Variants in MBNL2 observed in about 807,000 individuals in gnomAD.
The protein encoded by MBNL2 is muscleblind-like protein 2.
MBNL2 carries 17 observed loss-of-function variants against 41.9 expected under a neutral mutation model. The observed-to-expected ratio is 0.41, with a 90% CI of 0.28 to 0.61. The LOEUF is 0.61. Among genes scored for constraint, MBNL2 ranks in the 20% least tolerant of loss-of-function variants. MBNL2 has a pLI of 0.35. For synonymous variants in MBNL2, 195 were observed against 182.9 expected, an observed-to-expected ratio of 1.07 and a Z score of -0.53; for missense variants, 336 against 505.6, an observed-to-expected ratio of 0.66 and a Z score of 3.22.
At chr13:97,198,909 G>A in the MBNL2 span, among the ~76,000 whole-genome samples, 4 of 152,050 alleles carry the variant, frequency 2.6e-5, no homozygotes, top group East Asian at 1.9e-4. Flanking sequence ...TGCTCCCACC[G>A]GTCCTCCTAC....
At chr13:97,307,672 AATTAT>A (rs1223861408) in intron 2 of MBNL2, among the ~76,000 whole-genome samples, 6 of 152,256 alleles carry the variant, frequency 3.9e-5, no homozygotes, top group Admixed American at 3.9e-4. Context: ...CAGTATGACA[AATTAT>A]ATTAGTAAAT....
In MBNL2 at chr13:97,366,353, C is replaced by G; in HGVS notation, c.1048+1182C>G. On this transcript the variant is annotated intron_variant, in intron 8 of 8. Transcript: ENST00000679496. This position sits in a 1 kb window ranked among gnomAD's most constrained non-coding sequence, Gnocchi z 4.7. ...GATTGCATGCCATCTGCTGGTTTAA[C>G]CCATGATGGCTTGCTGCTCTGATAT... is the stretch of plus-strand genomic sequence containing the variant. 1 of 641,490 alleles carries G rather than the reference C, an allele frequency of 1.6e-6. No homozygotes were observed. The highest frequency in any genetic ancestry group is 2.5e-5 in the Admixed American group (1 of 39,318). The allele number at this position is 641,490 out of a possible 1,614,324, so 39.7% of individuals were successfully genotyped here.
rs558397429 is a variant in MBNL2 at position 97,233,036 on chromosome 13, C to G, written c.-605+10505C>G. 2.0e-5 allele frequency among the ~76,000 whole-genome samples: 3 copies of G among 149,510 alleles called. 1 individual carries two copies. In the Admixed American group the frequency reaches 2.0e-4, roughly 10 times the overall value. On this transcript the variant is annotated intron_variant, in intron 1 of 8. Transcript: ENST00000679496. Reference sequence around the variant, plus strand: ...TGTGCTGTTGTGATTTTGTTGCTCTCTATGAGAATTCTTAGAGATCCCTTT... The same window carrying G: ...TGTGCTGTTGTGATTTTGTTGCTCTGTATGAGAATTCTTAGAGATCCCTTT...
intron 1 of MBNL2, among the ~76,000 whole-genome samples, chr13:97,265,353 C>A (rs1282337807): frequency 6.6e-6 from 1 of 152,004 alleles, no homozygotes; most frequent in Non-Finnish European, 1.5e-5. Context: ...CTTGGGTAAC[C>A]CTATGTTTTA....
the MBNL2 span, among the ~76,000 whole-genome samples, chr13:97,193,109 G>T: frequency 6.6e-6 from 1 of 152,192 alleles, no homozygotes; most frequent in African/African-American, 2.4e-5. Flanking sequence ...GGCTGCAGTT[G>T]GGTGCCTGGT....
the MBNL2 span, among the ~76,000 whole-genome samples, chr13:97,195,364 C>A: frequency 2.6e-5 from 4 of 152,110 alleles, no homozygotes; most frequent in African/African-American, 9.7e-5. Context: ...CTATTTAGAA[C>A]ATTTGTCTCT....
At chr13:97,196,146 T>C in the MBNL2 span, among the ~76,000 whole-genome samples, 6 of 152,180 alleles carry the variant, frequency 3.9e-5, no homozygotes, top group Non-Finnish European at 8.8e-5. Flanking sequence ...GTATCCTCTG[T>C]GGGCAAGGTA....
the MBNL2 span, among the ~76,000 whole-genome samples, chr13:97,169,432 A>G: frequency 4.6e-5 from 7 of 152,298 alleles, no homozygotes; most frequent in Non-Finnish European, 8.8e-5. Context: ...TTTAATTTCT[A>G]TCTATCAGTT....
At chr13:97,259,589 T>C (rs2048222233) in intron 1 of MBNL2, among the ~76,000 whole-genome samples, 1 of 152,206 alleles carries the variant, frequency 6.6e-6, no homozygotes, top group Admixed American at 6.5e-5. Flanking sequence ...AAAGGCCTGC[T>C]GACAAATCTA....
the MBNL2 span, among the ~76,000 whole-genome samples, chr13:97,192,459 A>G: frequency 6.6e-6 from 1 of 152,348 alleles, no homozygotes; most frequent in East Asian, 1.9e-4. Flanking sequence ...GGCTAACACC[A>G]GAGCTTAAGA....
chr13:97,283,850 G>A (rs999987890), intron 2 of MBNL2, among the ~76,000 whole-genome samples: 31 of 152,148 alleles, frequency 2.0e-4, no homozygotes, highest in African/African-American at 6.0e-4. Flanking sequence ...AAGCAGAACC[G>A]TGACTCCCTA....
At chr13:97,345,697 T>C (rs2153085786) in intron 4 of MBNL2, among the ~76,000 whole-genome samples, 1 of 152,284 alleles carries the variant, frequency 6.6e-6, no homozygotes, top group East Asian at 1.9e-4. Flanking sequence ...TATGATTATG[T>C]TATCTTTGTA....
chr13:97,189,308 G>T, the MBNL2 span, among the ~76,000 whole-genome samples: 1 of 152,214 alleles, frequency 6.6e-6, no homozygotes, highest in African/African-American at 2.4e-5. Context: ...TTCCATCTTG[G>T]TTCTACAGGT....
At chr13:97,253,428 A>T (rs1345970570) in intron 1 of MBNL2, among the ~76,000 whole-genome samples, 3 of 152,174 alleles carry the variant, frequency 2.0e-5, no homozygotes, top group Non-Finnish European at 2.9e-5. Context: ...TCAAGTGAAA[A>T]TGTATATACT....
chr13:97,388,023 C>G (rs11616755), intron 8 of MBNL2, among the ~76,000 whole-genome samples: 16,482 of 151,938 alleles, frequency 0.11, 1,446 homozygotes, highest in African/African-American at 0.25. Flanking sequence ...ACTTTGGGCA[C>G]CAGCTTTGAC....
At chr13:97,271,294 G>A (rs1299592445) in intron 1 of MBNL2, among the ~76,000 whole-genome samples, 1 of 151,792 alleles carries the variant, frequency 6.6e-6, no homozygotes, top group Non-Finnish European at 1.5e-5. Flanking sequence ...TTTTAGTAGA[G>A]ACAGGGTTTC....
chr13:97,247,874 C>T (rs920733926), intron 1 of MBNL2, among the ~76,000 whole-genome samples: 2 of 152,200 alleles, frequency 1.3e-5, no homozygotes, highest in Non-Finnish European at 2.9e-5. Context: ...AAAACATTTA[C>T]TACTCAACAC....
In MBNL2 at chr13:97,346,754, G is replaced by A. The variant is rs115043996; in HGVS notation, c.541-50G>A. On this transcript the variant is annotated intron_variant, in intron 4 of 8. Coordinates refer to ENST00000679496, the MANE Select transcript of MBNL2 (RefSeq NM_001382683.1). The surrounding 1 kb of genome is among the most constrained non-coding windows in gnomAD (Gnocchi z 4.2). ...CCGCGGTGGCCGGGGCCGCAGGGGC[G>A]CCTGGGCTCAGGCTTGCCTCTGCAG... The A allele has an allele frequency of 5.0e-3, 7,809 of 1,564,116 alleles. 130 individuals are homozygous for A. The highest frequency in any genetic ancestry group is 0.046 in the African/African-American group (3,369 of 73,780).
intron 2 of MBNL2, among the ~76,000 whole-genome samples, chr13:97,282,751 C>T (rs1467655510): frequency 2.0e-5 from 3 of 152,204 alleles, no homozygotes; most frequent in African/African-American, 7.2e-5. Flanking sequence ...TTCCCCTGTG[C>T]ACCCTCTCTG....
Sources: allele counts gnomAD v4.1 joint callset (sites outside exome capture counted in the v4.1 genomes callset), GRCh38; gene constraint gnomAD v4.1.1; non-coding constraint Gnocchi (gnomAD v3.1); transcripts MANE v1.5; gene names NCBI Gene and HGNC (gene_info 2026-07-23, HGNC 2026-07-21).